Variants in CSMD1 observed in about 807,000 individuals in gnomAD.
CSMD1 encodes the protein CUB and sushi domain-containing protein 1.
Under a neutral mutation model 417.5 loss-of-function variants are expected in CSMD1, and 213 were observed. The ratio of observed to expected loss-of-function variants is 0.51; its 90% CI spans 0.46 to 0.57. The LOEUF is 0.57. Ranked by LOEUF, CSMD1 falls within the 20% of genes least tolerant of loss-of-function variation. CSMD1 has a pLI of 0.00. For synonymous variants in CSMD1, 2,862 were observed against 1,736.8 expected, an observed-to-expected ratio of 1.65 and a Z score of -16.11; for missense variants, 6,923 against 4,529.7, an observed-to-expected ratio of 1.53 and a Z score of -15.17.
intron 10 of CSMD1, among the ~76,000 whole-genome samples, chr8:3,532,269 C>T (rs1798015184): frequency 1.3e-5 from 2 of 152,190 alleles, no homozygotes; most frequent in African/African-American, 4.8e-5. Context: ...AATGAGGCCA[C>T]TTCACATGAT....
At chr8:4,261,923 C>G (rs1366646868) in intron 3 of CSMD1, among the ~76,000 whole-genome samples, 2 of 152,020 alleles carry the variant, frequency 1.3e-5, no homozygotes, top group African/African-American at 4.8e-5. Context: ...TAAATAAATG[C>G]ATGAATGATA....
chr8:2,994,089 T>C (rs1259516922), intron 54 of CSMD1, among the ~76,000 whole-genome samples: 1 of 122,428 alleles, frequency 8.2e-6, no homozygotes, highest in Non-Finnish European at 1.6e-5. Flanking sequence ...GAAGTTGCAG[T>C]GAGCTGAGAT....
intron 3 of CSMD1, among the ~76,000 whole-genome samples, chr8:4,248,051 T>C (rs1371637282): frequency 6.6e-6 from 1 of 152,200 alleles, no homozygotes; most frequent in Admixed American, 6.5e-5. Context: ...TTATGATCAT[T>C]TGAATGAATG....
chr8:4,511,037 T>C (rs1802794071), intron 2 of CSMD1, among the ~76,000 whole-genome samples: 1 of 152,104 alleles, frequency 6.6e-6, no homozygotes, highest in Admixed American at 6.6e-5. Context: ...TTTATTTTTC[T>C]CCCCTCTCTT....
At chr8:4,051,578 A>G (rs934161536) in intron 3 of CSMD1, among the ~76,000 whole-genome samples, 5 of 152,214 alleles carry the variant, frequency 3.3e-5, no homozygotes, top group African/African-American at 1.2e-4. Context: ...ACCTCTGTCA[A>G]CGTCCTCAGA....
chr8:4,779,880 G>A (rs1797064297), intron 1 of CSMD1, among the ~76,000 whole-genome samples: 2 of 151,980 alleles, frequency 1.3e-5, no homozygotes, highest in South Asian at 4.2e-4. Context: ...CAGGCTTGCT[G>A]CTTCGGGGCC....
At position 3,753,071 on chromosome 8, in the gene CSMD1, C is replaced by G. The variant is rs1029234181; in HGVS notation, c.931+859G>C. Among the ~76,000 whole-genome samples the G allele has an allele frequency of 2.0e-5, 3 of 152,280 alleles. No individual in the cohort carries two copies. The East Asian group carries it at 5.8e-4, about 29-fold the overall frequency. On this transcript the variant is annotated intron_variant, in intron 6 of 69. Transcript: ENST00000635120. Reference sequence around the variant, plus strand: ...GCTAGTTCCTGCAGCATGGAGGATGCTGTAATTTCTCTGGCACTGCAGGGC... The same window carrying G: ...GCTAGTTCCTGCAGCATGGAGGATGGTGTAATTTCTCTGGCACTGCAGGGC...
chr8:3,831,463 T>C (rs952913320), intron 5 of CSMD1, among the ~76,000 whole-genome samples: 5 of 152,162 alleles, frequency 3.3e-5, no homozygotes, highest in African/African-American at 7.2e-5. Context: ...AGATTCCTTA[T>C]AAACATGATA....
chr8:3,055,990 C>T (rs1040439444), intron 49 of CSMD1, among the ~76,000 whole-genome samples: 5 of 152,180 alleles, frequency 3.3e-5, no homozygotes, highest in African/African-American at 1.2e-4. Context: ...CATAGGCATT[C>T]AATCAATGAC....
At chr8:4,859,400 G>GA (rs1450131722) in intron 1 of CSMD1, among the ~76,000 whole-genome samples, 17 of 152,122 alleles carry the variant, frequency 1.1e-4, no homozygotes, top group Non-Finnish European at 2.5e-4. Context: ...AGCAACAAAA[G>GA]AAAAAATTGA....
rs1585757193 is a variant in CSMD1, at chr8:3,240,509, T to G, written c.4154-10278A>C. On this transcript the variant is annotated intron_variant, in intron 26 of 69. Coordinates refer to ENST00000635120, the MANE Select transcript of CSMD1 (RefSeq NM_033225.6). Reference sequence around the variant, plus strand: ...GAGAGCACGTGTGTTTTTATGAGAATTACGCCGAGATAGGTAACAGATGAG... The same window carrying G: ...GAGAGCACGTGTGTTTTTATGAGAAGTACGCCGAGATAGGTAACAGATGAG... Among the ~76,000 whole-genome samples the G allele has an allele frequency of 4.0e-5, 6 of 151,720 alleles. No individual in the cohort carries two copies. The South Asian group carries it at 1.3e-3, about 32-fold the overall frequency.
chr8:3,310,309 G>GA (rs975607352), intron 23 of CSMD1, among the ~76,000 whole-genome samples: 1 of 152,070 alleles, frequency 6.6e-6, no homozygotes, highest in Admixed American at 6.5e-5. Flanking sequence ...AAAAGAAGCA[G>GA]AAGTCTTTAC....
chr8:3,611,686 T>G (rs748925270), intron 8 of CSMD1, among the ~76,000 whole-genome samples: 1 of 152,134 alleles, frequency 6.6e-6, no homozygotes, highest in Non-Finnish European at 1.5e-5. Context: ...TGCTTTCAGA[T>G]CCTCCTAATG....
chr8:4,461,902 G>A (rs1005175997), intron 2 of CSMD1, among the ~76,000 whole-genome samples: 2 of 151,742 alleles, frequency 1.3e-5, no homozygotes, highest in East Asian at 1.9e-4. Flanking sequence ...CACCACGCCC[G>A]GCTAATTTTT....
intron 1 of CSMD1, among the ~76,000 whole-genome samples, chr8:4,851,661 G>C (rs141610199): frequency 2.0e-5 from 3 of 152,012 alleles, no homozygotes; most frequent in African/African-American, 7.2e-5. Context: ...AATGTCTCCT[G>C]CTCTCCCTCT....
At chr8:4,023,441 C>T (rs531443205) in intron 4 of CSMD1, among the ~76,000 whole-genome samples, 2 of 152,242 alleles carry the variant, frequency 1.3e-5, no homozygotes, top group South Asian at 2.1e-4. Flanking sequence ...AGCCAGCACT[C>T]ATCTAGACTC....
intron 12 of CSMD1, among the ~76,000 whole-genome samples, chr8:3,449,235 G>A (rs970732036): frequency 1.3e-5 from 2 of 152,140 alleles, no homozygotes; most frequent in African/African-American, 4.8e-5. Context: ...AATTGTAGAG[G>A]GAAGTTAAAA....
chr8:4,890,356 A>G (rs1487759601), intron 1 of CSMD1, among the ~76,000 whole-genome samples: 5 of 152,116 alleles, frequency 3.3e-5, no homozygotes, highest in Non-Finnish European at 7.3e-5. Flanking sequence ...GAAGGCACAT[A>G]CAGGGGAGAT....
intron 1 of CSMD1, among the ~76,000 whole-genome samples, chr8:4,690,142 C>A (rs1241032660): frequency 6.6e-6 from 1 of 152,104 alleles, no homozygotes; most frequent in South Asian, 2.1e-4. Context: ...AGACTTATTA[C>A]AATGCTCATA....
Sources: gnomAD v4.1 joint callset for allele counts (sites outside exome capture counted in the v4.1 genomes callset) on GRCh38, gnomAD v4.1.1 for gene constraint, MANE v1.5 for transcripts, NCBI Gene and HGNC (gene_info 2026-07-23, HGNC 2026-07-21) for gene names.